NUP214: variants seen among roughly 807,000 people sequenced by gnomAD.
The protein encoded by NUP214 is nuclear pore complex protein Nup214.
In NUP214, 79 loss-of-function variants were observed where a neutral mutation model predicts 196.2. That is an observed-to-expected ratio of 0.40 (90% confidence interval 0.34 to 0.49). The LOEUF is 0.49. Ranked by LOEUF, NUP214 falls within the 20% of genes least tolerant of loss-of-function variation. NUP214 has a pLI of 0.58. For synonymous variants in NUP214, 1,020 were observed against 990.5 expected (o/e 1.03, Z -0.56); for missense variants, 2,468 against 2,539.0 (o/e 0.97, Z 0.60).
chr9:131,134,833 C>A, intron 7 of NUP214, 65 bp from the exon 8 acceptor site: 1 of 949,362 alleles, frequency 1.1e-6, no homozygotes, highest in Non-Finnish European at 1.7e-6. Flanking sequence ...ATTTGAGATT[C>A]TTTTGCTGTG....
Position 131,197,332 on chromosome 9 carries a change from G to A in NUP214, c.3838G>A (p.Ala1280Thr), listed in dbSNP as rs771257806. 2.5e-5 allele frequency: 40 copies of A among 1,613,964 alleles called. No homozygotes were observed. Among genetic ancestry groups the A allele is most frequent in the Middle Eastern group, 1.6e-4 (1 of 6,084 alleles). ...CTCACCTCCCTCAGGAATCACATCC[G>A]CATCAAACACCACCCCAGGAGAACC... The part of the protein sequence containing the change: ...ESSPPSGITS[A>T]SNTTPGEPAA... Residue 1280 changes from alanine to threonine, a missense_variant, in exon 29 of 36, where the codon GCA becomes ACA. Coordinates refer to ENST00000359428, the MANE Select transcript of NUP214 (RefSeq NM_005085.4).
At position 131,232,187 on chromosome 9, in the gene NUP214, A is replaced by T; in HGVS notation, c.6215-97A>T. Reference sequence around the variant, plus strand: ...GTGGTGGAGGCACGGAGGGCTTCCCACAAGAAGCACAGAGGAGGGCAGACA... The same window carrying T: ...GTGGTGGAGGCACGGAGGGCTTCCCTCAAGAAGCACAGAGGAGGGCAGACA... On this transcript the variant is annotated intron_variant, in intron 34 of 35. Coordinates refer to ENST00000359428, the MANE Select transcript of NUP214 (RefSeq NM_005085.4). This position sits in a 1 kb window ranked among gnomAD's most constrained non-coding sequence, Gnocchi z 5.1. 7.5e-7 allele frequency: 1 copy of T among 1,336,534 alleles called. No individual in the cohort carries two copies. Among genetic ancestry groups the T allele is most frequent in the Non-Finnish European group, 1.1e-6 (1 of 926,768 alleles). The allele number at this position is 1,336,534 out of a possible 1,614,324, so 82.8% of individuals were successfully genotyped here.
chr9:131,167,919 C>A (rs567360509), intron 21 of NUP214, among the ~76,000 whole-genome samples: 1 of 152,206 alleles, frequency 6.6e-6, no homozygotes, highest in East Asian at 1.9e-4. Flanking sequence ...GACTCTTGCT[C>A]TGTTGCCCAG....
chr9:131,144,477 G>T lies in NUP214; in HGVS notation c.1492G>T (p.Glu498Ter). 3 of 1,614,122 alleles carry T rather than the reference G, an allele frequency of 1.9e-6. No individual in the cohort carries two copies. In the East Asian group the frequency reaches 6.7e-5, roughly 36 times the overall value. Residue 498 changes from glutamate to a stop codon, truncating the protein, a stop_gained, in exon 12 of 36, where the codon GAG becomes TAG. Coordinates refer to ENST00000359428, the MANE Select transcript of NUP214 (RefSeq NM_005085.4). LOFTEE classifies it high-confidence loss of function. Reference protein sequence around the residue: ...SLKSSATVTGEPPSYSSGSDS... With the variant: ...SLKSSATVTG ...GAAGTCATCTGCTACGGTCACTGGG[G>T]AGCCCCCTTCATATTCCAGTGGCTC...
intron 31 of NUP214, among the ~76,000 whole-genome samples, chr9:131,215,886 TTC>T (rs1248059491): frequency 2.6e-5 from 4 of 151,862 alleles, no homozygotes; most frequent in Admixed American, 2.6e-4. Context: ...TGCCAGTACT[TTC>T]TTTAGCTAAT....
At chr9:131,169,080 T>G (rs576986382) in intron 21 of NUP214, among the ~76,000 whole-genome samples, 1 of 142,930 alleles carries the variant, frequency 7.0e-6, no homozygotes, top group South Asian at 2.3e-4. Context: ...GTTGCCAGGC[T>G]GGAGTGCAGT....
At position 131,159,310 on chromosome 9, in the gene NUP214, T is replaced by C. The variant is rs1832554337; in HGVS notation, c.2437-73T>C. On this transcript the variant is annotated intron_variant, in intron 17 of 35. Transcript: ENST00000359428. Reference sequence around the variant, plus strand: ...ATATAGAAGTATTTTAGAATTCTTTTGACTGTTTTGATACATCTTCCCCCA... The same window carrying C: ...ATATAGAAGTATTTTAGAATTCTTTCGACTGTTTTGATACATCTTCCCCCA... 7.1e-6 allele frequency: 7 copies of C among 984,094 alleles called. No homozygotes were observed. The South Asian group carries it at 8.5e-5, about 12-fold the overall frequency. 61.0% of individuals were successfully genotyped at this position (984,094 alleles called of 1,614,324 possible).
intron 17 of NUP214, among the ~76,000 whole-genome samples, chr9:131,155,537 T>C (rs1239267468): frequency 1.3e-5 from 2 of 152,234 alleles, no homozygotes; most frequent in Admixed American, 6.5e-5. Flanking sequence ...GGATTCTTGG[T>C]CATGAACTCC....
At chr9:131,180,039 T>G (rs1426731411) in intron 24 of NUP214, among the ~76,000 whole-genome samples, 1 of 152,234 alleles carries the variant, frequency 6.6e-6, no homozygotes, top group Non-Finnish European at 1.5e-5. Context: ...AAGCACCTTT[T>G]GGAGATTCCA....
At chr9:131,221,828 C>T (rs1054008818) in intron 31 of NUP214, among the ~76,000 whole-genome samples, 2 of 151,994 alleles carry the variant, frequency 1.3e-5, no homozygotes, top group Non-Finnish European at 2.9e-5. Context: ...GTTATTCCTT[C>T]CCTTCCCACC....
chr9:131,202,324 T>G (rs1433688848), intron 30 of NUP214, among the ~76,000 whole-genome samples: 4 of 152,214 alleles, frequency 2.6e-5, no homozygotes, highest in African/African-American at 7.2e-5. Context: ...TGTTGTTGTT[T>G]AACTTCTTAA....
At chr9:131,170,116 G>T (rs1306850289) in intron 21 of NUP214, among the ~76,000 whole-genome samples, 1 of 152,072 alleles carries the variant, frequency 6.6e-6, no homozygotes, top group Non-Finnish European at 1.5e-5. Flanking sequence ...ATGTATTTAT[G>T]CCATGGAACT....
intron 30 of NUP214, among the ~76,000 whole-genome samples, chr9:131,213,285 C>T (rs1265781459): frequency 6.6e-6 from 1 of 151,870 alleles, no homozygotes; most frequent in Non-Finnish European, 1.5e-5. Context: ...AAGCGATTCT[C>T]CTGCCTCAGC....
intron 17 of NUP214, 122 bp from the exon 18 acceptor site, chr9:131,159,261 T>A: frequency 1.5e-6 from 1 of 688,696 alleles, no homozygotes; most frequent in East Asian, 2.7e-5. Context: ...CCTATTCTGT[T>A]TTCCTTGTTC....
intron 10 of NUP214, among the ~76,000 whole-genome samples, chr9:131,139,978 C>CG (rs1230475714): frequency 5.3e-5 from 8 of 152,278 alleles, no homozygotes; most frequent in African/African-American, 1.9e-4. Context: ...GAGGTGTCCC[C>CG]GTCAGGCACC....
chr9:131,151,953 C>G, intron 17 of NUP214, 59 bp downstream of exon 17: 1 of 1,369,942 alleles, frequency 7.3e-7, no homozygotes, highest in Non-Finnish European at 9.9e-7. Flanking sequence ...GTAACAATTG[C>G]TACCTCTTTT....
chr9:131,202,162 A>G (rs527294615), intron 30 of NUP214, among the ~76,000 whole-genome samples: 13 of 152,232 alleles, frequency 8.5e-5, no homozygotes, highest in South Asian at 2.1e-4. Flanking sequence ...CAGTCTCGCT[A>G]TGTTGTCCAG....
intron 19 of NUP214, chr9:131,163,418 G>A (rs2133555854): frequency 2.1e-6 from 1 of 487,760 alleles, no homozygotes; most frequent in East Asian, 3.5e-5. Context: ...TGATGAAATG[G>A]GTGCTGAATA....
rs758702596 is a variant in NUP214, at chr9:131,233,534, A to G, written c.*47A>G. The G allele has an allele frequency of 1.4e-5, 22 of 1,610,718 alleles. No individual in the cohort carries two copies. In the South Asian group the frequency reaches 2.2e-4, roughly 16 times the overall value. ...GATCCCTGGGACCAACCGCATCCTC[A>G]GCTTCTTCCCCGAGAAATGCTGGAG... On this transcript the variant is annotated 3_prime_UTR_variant, in exon 36 of 36. Transcript: ENST00000359428.
Sources: gnomAD v4.1 joint callset for allele counts (sites outside exome capture counted in the v4.1 genomes callset) on GRCh38, gnomAD v4.1.1 for gene constraint, Gnocchi (gnomAD v3.1) non-coding constraint, MANE v1.5 for transcripts, NCBI Gene and HGNC (gene_info 2026-07-23, HGNC 2026-07-21) for gene names.